Variants in PDE7B observed in about 807,000 individuals in gnomAD.
PDE7B encodes the protein 3',5'-cyclic-AMP phosphodiesterase 7B.
In PDE7B, 29 loss-of-function variants were observed where a neutral mutation model predicts 56.2. The ratio of observed to expected loss-of-function variants is 0.52; its 90% CI spans 0.38 to 0.70. The LOEUF (loss-of-function observed/expected upper bound fraction) is 0.70. Ranked by LOEUF, PDE7B falls within the 30% of genes least tolerant of loss-of-function variation. PDE7B has a pLI of 0.00. For synonymous variants in PDE7B, 197 were observed against 196.9 expected (o/e 1.00, Z 0.00); for missense variants, 490 against 565.0 (o/e 0.87, Z 1.35).
intron 3 of PDE7B, among the ~76,000 whole-genome samples, chr6:136,119,945 T>C (rs1009883659): frequency 2.6e-5 from 4 of 152,116 alleles, no homozygotes; most frequent in African/African-American, 9.7e-5. Context: ...GCTGCCTGGG[T>C]TTAGATTCCA....
intron 1 of PDE7B, among the ~76,000 whole-genome samples, chr6:135,858,954 CAGT>C (rs1376987705): frequency 2.0e-5 from 3 of 151,088 alleles, no homozygotes; most frequent in African/African-American, 4.9e-5. Context: ...ATTCATAAAA[CAGT>C]AGAAAACATT....
intron 2 of PDE7B, among the ~76,000 whole-genome samples, chr6:135,991,460 T>G (rs1775478221): frequency 6.6e-6 from 1 of 152,150 alleles, no homozygotes; most frequent in African/African-American, 2.4e-5. Flanking sequence ...AAGAAAAAGA[T>G]AGTTCTCTTA....
intron 1 of PDE7B, among the ~76,000 whole-genome samples, chr6:135,856,584 G>A (rs1331379548): frequency 6.6e-6 from 1 of 152,158 alleles, no homozygotes; most frequent in East Asian, 1.9e-4. Context: ...TACTAGTGAT[G>A]GGATTTGATG....
intron 2 of PDE7B, among the ~76,000 whole-genome samples, chr6:136,028,460 A>G (rs1479338571): frequency 6.6e-6 from 1 of 152,236 alleles, no homozygotes; most frequent in Admixed American, 6.5e-5. Flanking sequence ...ATAACAAATC[A>G]CCACAAATTT....
At chr6:135,952,508 T>C (rs1005320868) in intron 2 of PDE7B, among the ~76,000 whole-genome samples, 4 of 152,114 alleles carry the variant, frequency 2.6e-5, no homozygotes, top group Non-Finnish European at 4.4e-5. Context: ...AGAGGGTTTA[T>C]TGTTCAGCAA....
chr6:136,148,849 T>C (rs1331582020), intron 4 of PDE7B, among the ~76,000 whole-genome samples: 1 of 152,204 alleles, frequency 6.6e-6, no homozygotes, highest in Non-Finnish European at 1.5e-5. Flanking sequence ...TCACGCAATC[T>C]AAACCTCAAA....
At chr6:136,009,938 T>C (rs946471137) in intron 2 of PDE7B, among the ~76,000 whole-genome samples, 5 of 152,218 alleles carry the variant, frequency 3.3e-5, no homozygotes, top group Non-Finnish European at 7.3e-5. Context: ...TTTTCATTCC[T>C]TGACTACTTT....
intron 2 of PDE7B, chr6:136,044,327 C>CTGT (rs1461169477): frequency 2.6e-5 from 4 of 152,046 alleles, no homozygotes; most frequent in African/African-American, 9.7e-5. Context: ...TCCCTAAGAT[C>CTGT]TGTTGCATGT....
intron 3 of PDE7B, among the ~76,000 whole-genome samples, chr6:136,145,984 A>G (rs942232758): frequency 6.6e-6 from 1 of 152,172 alleles, no homozygotes; most frequent in Admixed American, 6.6e-5. Context: ...TCTAAATACA[A>G]CATGTGTAAA....
At chr6:136,003,364 A>C (rs1377777397) in intron 2 of PDE7B, among the ~76,000 whole-genome samples, 1 of 152,132 alleles carries the variant, frequency 6.6e-6, no homozygotes, top group Non-Finnish European at 1.5e-5. Flanking sequence ...AGCAGAACTG[A>C]AGGAAATAGA....
At chr6:135,958,694 T>C (rs1209358372) in intron 2 of PDE7B, among the ~76,000 whole-genome samples, 1 of 152,198 alleles carries the variant, frequency 6.6e-6, no homozygotes, top group Non-Finnish European at 1.5e-5. Context: ...ATTATATCAA[T>C]TGCTATCTTT....
chr6:136,015,385 T>C (rs1775962126), intron 2 of PDE7B, among the ~76,000 whole-genome samples: 1 of 152,248 alleles, frequency 6.6e-6, no homozygotes. Context: ...AGCCATTTTC[T>C]GATTCAAGGT....
intron 1 of PDE7B, among the ~76,000 whole-genome samples, chr6:135,928,745 G>A (rs1484365475): frequency 1.3e-5 from 2 of 151,676 alleles, no homozygotes; most frequent in African/African-American, 4.8e-5. Context: ...ATAAGTGGGA[G>A]CTAAACATTT....
intron 2 of PDE7B, among the ~76,000 whole-genome samples, chr6:136,106,779 C>T (rs910569830): frequency 1.3e-5 from 2 of 152,072 alleles, no homozygotes; most frequent in Non-Finnish European, 2.9e-5. Flanking sequence ...AGACAACTGC[C>T]GAGGAGAGAA....
chr6:136,000,286 G>A (rs1324768362), intron 2 of PDE7B, among the ~76,000 whole-genome samples: 1 of 152,068 alleles, frequency 6.6e-6, no homozygotes, highest in African/African-American at 2.4e-5. Flanking sequence ...TGCTTTTGTT[G>A]CAATTGCTTT....
chr6:135,871,175 C>T (rs1223350604), intron 1 of PDE7B, among the ~76,000 whole-genome samples: 1 of 152,012 alleles, frequency 6.6e-6, no homozygotes, highest in East Asian at 1.9e-4. Flanking sequence ...TATATGTGGC[C>T]CCTAATGATA....
chr6:135,928,442 T>C (rs1774227995), intron 1 of PDE7B, among the ~76,000 whole-genome samples: 1 of 121,272 alleles, frequency 8.2e-6, no homozygotes, highest in Non-Finnish European at 1.7e-5. Flanking sequence ...TATATATATA[T>C]ATATATTTAT....
chr6:136,116,308 GA>G, intron 3 of PDE7B, among the ~76,000 whole-genome samples: 1 of 152,336 alleles, frequency 6.6e-6, no homozygotes, highest in East Asian at 1.9e-4. Context: ...TAACTAGAGA[GA>G]AAGGCTTGGA....
At chr6:136,178,935 A>C (rs1779020664) in intron 9 of PDE7B, 62 bp from the exon 10 acceptor site, 3 of 1,555,434 alleles carry the variant, frequency 1.9e-6, no homozygotes, top group Non-Finnish European at 2.7e-6. Flanking sequence ...GATAAAATCA[A>C]TCACCCTCAT....
Sources: allele counts gnomAD v4.1 joint callset (sites outside exome capture counted in the v4.1 genomes callset), GRCh38; gene constraint gnomAD v4.1.1; transcripts MANE v1.5; gene names NCBI Gene and HGNC (gene_info 2026-07-23, HGNC 2026-07-21).